ABI3BP: variants seen among roughly 807,000 people sequenced by gnomAD.
The protein encoded by ABI3BP is target of Nesh-SH3.
Under a neutral mutation model 268.6 loss-of-function variants are expected in ABI3BP, and 216 were observed. The ratio of observed to expected loss-of-function variants is 0.80; its 90% CI spans 0.72 to 0.90. The LOEUF is 0.90. Among genes scored for constraint, ABI3BP ranks in the 40% least tolerant of loss-of-function variants. The pLI is 0.00. For synonymous variants in ABI3BP, 730 were observed against 730.0 expected (o/e 1.00, Z 0.00); for missense variants, 2,090 against 2,182.4 (o/e 0.96, Z 0.84).
chr3:100,849,201 C>T (rs928413672), intron 17 of ABI3BP, among the ~76,000 whole-genome samples: 2 of 145,980 alleles, frequency 1.4e-5, no homozygotes, highest in African/African-American at 2.5e-5. Context: ...GAGAGAAGCA[C>T]AAATAATGGA....
intron 1 of ABI3BP, among the ~76,000 whole-genome samples, chr3:100,942,919 G>C (rs2070188684): frequency 6.6e-6 from 1 of 152,084 alleles, no homozygotes; most frequent in Non-Finnish European, 1.5e-5. Flanking sequence ...ATTCAACACA[G>C]TATGGAGAAA....
At position 100,778,566 on chromosome 3, in the gene ABI3BP, C is replaced by A. The variant is rs935353348; in HGVS notation, c.4241-190G>T. 4 of 605,790 alleles carry A rather than the reference C, an allele frequency of 6.6e-6. No homozygotes were observed. In the East Asian group the frequency reaches 1.1e-4, roughly 17 times the overall value. The allele number at this position is 605,790 out of a possible 1,614,324, so 37.5% of individuals were successfully genotyped here. ...CCTATAAATAAATGTTGGTAATGTC[C>A]CCAGGGACAACAACGCACTGTAGTA... On this transcript the variant is annotated intron_variant, in intron 58 of 67. Transcript: ENST00000471714.
chr3:100,839,281 A>G (rs572348593), intron 24 of ABI3BP, among the ~76,000 whole-genome samples: 1 of 152,332 alleles, frequency 6.6e-6, no homozygotes, highest in South Asian at 2.1e-4. Flanking sequence ...CTGTCTGAGA[A>G]GGAGTTGATG....
chr3:100,845,190 T>C (rs2098753067), intron 20 of ABI3BP, among the ~76,000 whole-genome samples: 1 of 152,206 alleles, frequency 6.6e-6, no homozygotes, highest in African/African-American at 2.4e-5. Context: ...AAGCATGATT[T>C]TTAAATAAGT....
chr3:100,988,759 AG>A (rs1472981154), intron 1 of ABI3BP, among the ~76,000 whole-genome samples: 2 of 152,286 alleles, frequency 1.3e-5, no homozygotes, highest in African/African-American at 4.8e-5. Context: ...TTGTCTCCCC[AG>A]CCTCAGTGCT....
intron 1 of ABI3BP, among the ~76,000 whole-genome samples, chr3:100,978,862 G>A (rs996057383): frequency 3.3e-5 from 5 of 152,188 alleles, no homozygotes; most frequent in South Asian, 2.1e-4. Context: ...AGTGATAGTT[G>A]TTTAACATGC....
At chr3:100,925,515 G>T (rs1431107159) in intron 2 of ABI3BP, among the ~76,000 whole-genome samples, 3 of 152,032 alleles carry the variant, frequency 2.0e-5, no homozygotes, top group African/African-American at 7.2e-5. Flanking sequence ...CCATGCTCAA[G>T]AGATCCTCCC....
intron 29 of ABI3BP, among the ~76,000 whole-genome samples, chr3:100,833,812 C>T (rs2098531810): frequency 6.6e-6 from 1 of 152,118 alleles, no homozygotes; most frequent in Non-Finnish European, 1.5e-5. Context: ...CTTTGTAGAC[C>T]CATCAAAAGC....
Position 100,812,925 on chromosome 3 carries a change from A to C in ABI3BP, c.3365-402T>G, listed in dbSNP as rs553225471. Among the ~76,000 whole-genome samples the C allele has an allele frequency of 3.3e-5, 5 of 152,252 alleles. No homozygotes were observed. In the South Asian group the frequency reaches 6.2e-4, roughly 19 times the overall value. ...CAGACAGGGTCTGGCTTTGTCAACC[A>C]GATGGAGTAGGGTGGCATGAACATG... On this transcript the variant is annotated intron_variant, in intron 45 of 67. Coordinates refer to ENST00000471714, the MANE Select transcript of ABI3BP (RefSeq NM_001375547.2).
chr3:100,760,373 T>TTGTGTGTGTTCATCC (rs1456639930), intron 63 of ABI3BP, among the ~76,000 whole-genome samples: 4 of 152,190 alleles, frequency 2.6e-5, no homozygotes, highest in Non-Finnish European at 5.9e-5. Context: ...TGTGCAGTGA[T>TTGTGTGTGTTCATCC]TGTGTGTGTT....
intron 1 of ABI3BP, among the ~76,000 whole-genome samples, chr3:100,986,741 A>G (rs2091872405): frequency 6.6e-6 from 1 of 152,194 alleles, no homozygotes; most frequent in African/African-American, 2.4e-5. Flanking sequence ...TGCTGGGATT[A>G]CACTAATATA....
intron 2 of ABI3BP, among the ~76,000 whole-genome samples, chr3:100,907,646 A>G (rs187259242): frequency 2.6e-5 from 4 of 152,232 alleles, no homozygotes; most frequent in Non-Finnish European, 5.9e-5. Context: ...TACAGCAAGC[A>G]TCACAAGTTC....
chr3:100,854,943 T>C (rs1048272498), intron 14 of ABI3BP, among the ~76,000 whole-genome samples: 1 of 150,690 alleles, frequency 6.6e-6, no homozygotes, highest in Admixed American at 6.6e-5. Context: ...TTTTTTTTTC[T>C]CCAGATGGAA....
At chr3:100,762,503 C>G (rs1576829317) in intron 63 of ABI3BP, among the ~76,000 whole-genome samples, 1 of 152,232 alleles carries the variant, frequency 6.6e-6, no homozygotes, top group Non-Finnish European at 1.5e-5. Context: ...ATCACAGAAC[C>G]TTGGTATCAA....
intron 32 of ABI3BP, 135 bp from the exon 33 acceptor site, chr3:100,829,799 C>T (rs1339679284): frequency 1.3e-5 from 8 of 628,752 alleles, no homozygotes; most frequent in African/African-American, 7.3e-5. Flanking sequence ...TATTTCAATA[C>T]AGTGTCTCTT....
rs150584905 is a variant in ABI3BP, at chr3:100,838,212, G to A, written c.2081C>T (p.Ser694Phe). 1.5e-4 allele frequency: 233 copies of A among 1,535,492 alleles called. 1 individual carries two copies. In the East Asian group the frequency reaches 5.4e-3, roughly 36 times the overall value. The change falls in exon 26 of 68, where the codon TCC becomes TTC. Residue 694 changes from serine to phenylalanine, a missense_variant and splice_region_variant. Physicochemically the swap from Ser to Phe is radical, Grantham distance 155. Coordinates refer to ENST00000471714, the MANE Select transcript of ABI3BP (RefSeq NM_001375547.2). ...TAEPDMPPTK[S>F]VSEPVPFETE... ...AAAGCACTGGAAATTATGTTTACCG[G>A]ATTTAGTTGGTGGCATGTCTGGTTC... is the stretch of plus-strand genomic sequence containing the variant.
chr3:100,829,806 T>G, intron 32 of ABI3BP, 142 bp from the exon 33 acceptor site: 1 of 602,574 alleles, frequency 1.7e-6, no homozygotes, highest in Non-Finnish European at 2.9e-6. Flanking sequence ...ATACAGTGTC[T>G]CTTTTTATCA....
intron 51 of ABI3BP, among the ~76,000 whole-genome samples, chr3:100,796,754 A>G (rs1366937632): frequency 1.3e-5 from 2 of 152,114 alleles, no homozygotes; most frequent in African/African-American, 4.8e-5. Context: ...ACAATGAGGT[A>G]GAGCTCCCTC....
intron 56 of ABI3BP, among the ~76,000 whole-genome samples, chr3:100,788,079 G>T (rs2097102819): frequency 6.6e-6 from 1 of 152,150 alleles, no homozygotes; most frequent in African/African-American, 2.4e-5. Context: ...AAGTGGGAAA[G>T]ATCTTGTTTC....
Sources: allele counts gnomAD v4.1 joint callset (sites outside exome capture counted in the v4.1 genomes callset), GRCh38; gene constraint gnomAD v4.1.1; transcripts MANE v1.5; gene names NCBI Gene and HGNC (gene_info 2026-07-23, HGNC 2026-07-21).